Variants in GOLM1 observed in about 807,000 individuals in gnomAD.
The protein encoded by GOLM1 is epididymis luminal protein 46.
In GOLM1, 31 loss-of-function variants were observed where a neutral mutation model predicts 50.5. The observed-to-expected ratio is 0.61, with a 90% CI of 0.46 to 0.83. The LOEUF is 0.83. Ranked by LOEUF, GOLM1 falls within the 40% of genes least tolerant of loss-of-function variation. The pLI is 0.00. For synonymous variants in GOLM1, 178 were observed against 192.8 expected (o/e 0.92, Z 0.64); for missense variants, 491 against 501.3 (o/e 0.98, Z 0.20).
Position 86,053,078 on chromosome 9 carries a change from C to T in GOLM1, c.310-487G>A, listed in dbSNP as rs576504164. Among the ~76,000 whole-genome samples the T allele has an allele frequency of 1.3e-3, 176 of 140,186 alleles. 4 individuals are homozygous for T. In the South Asian group the frequency reaches 0.035, roughly 28 times the overall value. The allele number at this position is 140,186 out of a possible 152,430, so 92.0% of individuals were successfully genotyped here. ...CCAGACCACACCACACACCACTCTA[C>T]ACGACACTACACCATGCCACAACTC... On this transcript the variant is annotated intron_variant, in intron 3 of 9. Coordinates refer to ENST00000388712, the MANE Select transcript of GOLM1 (RefSeq NM_016548.4).
At chr9:86,059,873 C>T (rs1292761943) in intron 3 of GOLM1, among the ~76,000 whole-genome samples, 1 of 143,956 alleles carries the variant, frequency 6.9e-6, no homozygotes, top group African/African-American at 2.6e-5. Context: ...GCACTCCAGC[C>T]CGGGTGACAC....
intron 3 of GOLM1, among the ~76,000 whole-genome samples, chr9:86,070,172 C>T (rs180868133): frequency 8.5e-5 from 13 of 152,188 alleles, no homozygotes; most frequent in Admixed American, 2.6e-4. Flanking sequence ...CGTGAGCCAC[C>T]GTGTCCGACC....
chr9:86,037,008 G>A (rs1162021362), intron 6 of GOLM1, among the ~76,000 whole-genome samples: 1 of 152,206 alleles, frequency 6.6e-6, no homozygotes, highest in African/African-American at 2.4e-5. Context: ...AAATGGAATG[G>A]ATTATAAATC....
At chr9:86,095,513 GC>G (rs1262117559) in intron 1 of GOLM1, among the ~76,000 whole-genome samples, 1 of 151,890 alleles carries the variant, frequency 6.6e-6, no homozygotes, top group Non-Finnish European at 1.5e-5. Context: ...CTCCCAAAGT[GC>G]TGGGATTACA....
rs558919294 is a variant in GOLM1 at position 86,038,999 on chromosome 9, A to G, written c.597+1740T>C. On this transcript the variant is annotated intron_variant, in intron 6 of 9. Coordinates refer to ENST00000388712, the MANE Select transcript of GOLM1 (RefSeq NM_016548.4). ...TGTGCTTCAACTAAACACCAGCAAG[A>G]AAGTGAAAAACCCCACAGAATTGGG... Among the ~76,000 whole-genome samples the G allele has an allele frequency of 8.1e-4, 124 of 152,346 alleles. No homozygotes were observed. The South Asian group carries it at 8.7e-3, about 11-fold the overall frequency.
intron 3 of GOLM1, among the ~76,000 whole-genome samples, chr9:86,058,889 C>G (rs1834067768): frequency 6.6e-6 from 1 of 151,946 alleles, no homozygotes; most frequent in South Asian, 2.1e-4. Flanking sequence ...CCCAGCTACT[C>G]AGGAGGCTGA....
At chr9:86,069,836 C>A (rs1834397914) in intron 3 of GOLM1, among the ~76,000 whole-genome samples, 1 of 152,170 alleles carries the variant, frequency 6.6e-6, no homozygotes, top group Non-Finnish European at 1.5e-5. Context: ...AAATGCTGTC[C>A]TTCTACCCTT....
rs567974241 is a variant in GOLM1, at chr9:86,041,565, G to A, written c.468-697C>T. 5.3e-5 allele frequency among the ~76,000 whole-genome samples: 8 copies of A among 152,296 alleles called. No homozygotes were observed. The South Asian group carries it at 1.0e-3, about 20-fold the overall frequency. The stretch of plus-strand genomic sequence containing the variant: ...AGGGCAGCCGTTCCTGTCTCCCCCC[G>A]GCGCCTGCCCTCACCTTAGGACTCT... On this transcript the variant is annotated intron_variant, in intron 5 of 9. Transcript: ENST00000388712.
chr9:86,098,293 A>G (rs1835413376), intron 1 of GOLM1, among the ~76,000 whole-genome samples: 1 of 152,232 alleles, frequency 6.6e-6, no homozygotes, highest in East Asian at 1.9e-4. Context: ...CACAACTGGA[A>G]GAAGCTAGGA....
chr9:86,034,858 C>T (rs1833084882), intron 8 of GOLM1: 1 of 266,052 alleles, frequency 3.8e-6, no homozygotes, highest in African/African-American at 2.4e-5. Flanking sequence ...AATTCCTACC[C>T]TTTATTTCTT....
intron 3 of GOLM1, among the ~76,000 whole-genome samples, chr9:86,073,087 G>A (rs910180664): frequency 2.0e-5 from 3 of 152,116 alleles, no homozygotes; most frequent in Non-Finnish European, 4.4e-5. Context: ...CACTGAAGAA[G>A]GGTAAAAAGG....
chr9:86,072,718 T>C (rs1425095748), intron 3 of GOLM1, among the ~76,000 whole-genome samples: 3 of 152,244 alleles, frequency 2.0e-5, no homozygotes, highest in South Asian at 2.1e-4. Context: ...ATGATGGGGA[T>C]AGGCTCTGAG....
chr9:86,050,861 C>T (rs1833724695), intron 4 of GOLM1, among the ~76,000 whole-genome samples: 1 of 152,186 alleles, frequency 6.6e-6, no homozygotes, highest in South Asian at 2.1e-4. Flanking sequence ...GTCTCCATCT[C>T]CTTCAGTTCT....
intron 8 of GOLM1, chr9:86,034,956 C>T (rs965197937): frequency 1.6e-5 from 15 of 957,668 alleles, no homozygotes; most frequent in Admixed American, 6.2e-5. Context: ...CCTTCATCTA[C>T]CCAATATTCC....
At chr9:86,065,463 T>C (rs1436834050) in intron 3 of GOLM1, among the ~76,000 whole-genome samples, 4 of 152,104 alleles carry the variant, frequency 2.6e-5, no homozygotes, top group African/African-American at 9.7e-5. Flanking sequence ...CTGCACAAGA[T>C]CGCTTTGGTT....
chr9:86,035,672 A>T lies in GOLM1; in HGVS notation c.758-47T>A, dbSNP rs113012275. The stretch of plus-strand genomic sequence containing the variant: ...CTGTGACCTTGCCAGCATTTGATTT[A>T]AAAAAAAAAAAAAAAAAAAAAGCAA... On this transcript the variant is annotated intron_variant, in intron 7 of 9. Coordinates refer to ENST00000388712, the MANE Select transcript of GOLM1 (RefSeq NM_016548.4). 4.0e-3 allele frequency: 519 copies of T among 129,890 alleles called. No individual in the cohort carries two copies. The highest frequency in any genetic ancestry group is 6.7e-3 in the African/African-American group (112 of 16,624). 8.0% of individuals were successfully genotyped at this position (129,890 alleles called of 1,614,324 possible).
intron 5 of GOLM1, among the ~76,000 whole-genome samples, chr9:86,043,703 ATC>A (rs1217393023): frequency 6.6e-6 from 1 of 152,170 alleles, no homozygotes; most frequent in Non-Finnish European, 1.5e-5. Context: ...AGAGCTTTCA[ATC>A]TAGGTATCAA....
Position 86,027,820 on chromosome 9 carries a change from G to C in GOLM1, c.1203C>G (p.Leu401=), listed in dbSNP as rs553969598. 23 of 1,612,886 alleles carry C rather than the reference G, an allele frequency of 1.4e-5. No individual in the cohort carries two copies. Among genetic ancestry groups the C allele is most frequent in the East Asian group, 2.2e-5 (1 of 44,858 alleles). ...AAATATGTGATTCCAGTTCAATTCA[G>C]AGTGTATGATTCCGCTTTTCACGCT... ...LDQREKRNHT[L] is the part of the protein sequence containing the mutation. The change falls in exon 10 of 10, where the codon CTC becomes CTG. Residue 401 remains leucine, a synonymous_variant. Transcript: ENST00000388712.
intron 1 of GOLM1, among the ~76,000 whole-genome samples, chr9:86,083,079 T>C (rs561961817): frequency 1.4e-4 from 21 of 152,330 alleles, no homozygotes; most frequent in Admixed American, 1.3e-3. Context: ...TCCAGGCTTA[T>C]TTCCAACAAT....
Sources: gnomAD v4.1 joint callset for allele counts (sites outside exome capture counted in the v4.1 genomes callset) on GRCh38, gnomAD v4.1.1 for gene constraint, MANE v1.5 for transcripts, NCBI Gene and HGNC (gene_info 2026-07-23, HGNC 2026-07-21) for gene names.